Variants in NAP1L4 observed in about 807,000 individuals in gnomAD.
The protein encoded by NAP1L4 is nucleosome assembly protein 1-like 4.
Under a neutral mutation model 58.2 loss-of-function variants are expected in NAP1L4, and 15 were observed. The ratio of observed to expected loss-of-function variants is 0.26; its 90% CI spans 0.17 to 0.40. The LOEUF (loss-of-function observed/expected upper bound fraction) is 0.40. Ranked by LOEUF, NAP1L4 falls within the 10% of genes least tolerant of loss-of-function variation. The pLI is 1.00. For synonymous variants in NAP1L4, 171 were observed against 155.6 expected, an observed-to-expected ratio of 1.10 and a Z score of -0.74; for missense variants, 384 against 451.1, an observed-to-expected ratio of 0.85 and a Z score of 1.35.
At chr11:2,984,439 C>T (rs1014880380) in intron 1 of NAP1L4, among the ~76,000 whole-genome samples, 7 of 151,896 alleles carry the variant, frequency 4.6e-5, no homozygotes, top group Admixed American at 1.3e-4. Flanking sequence ...GGCATGGTGG[C>T]GCATGCCTGT....
intron 3 of NAP1L4, among the ~76,000 whole-genome samples, chr11:2,976,360 C>G (rs1018115311): frequency 2.6e-5 from 4 of 152,146 alleles, no homozygotes; most frequent in Non-Finnish European, 5.9e-5. Context: ...TGAATAAACA[C>G]CTAGAGAGTC....
intron 7 of NAP1L4, among the ~76,000 whole-genome samples, chr11:2,967,355 G>A (rs1046579422): frequency 6.6e-6 from 1 of 152,202 alleles, no homozygotes; most frequent in East Asian, 1.9e-4. Context: ...GCTCACGCCT[G>A]TAATCCCAGC....
intron 7 of NAP1L4, among the ~76,000 whole-genome samples, chr11:2,966,328 T>G (rs1314896550): frequency 2.0e-5 from 3 of 152,200 alleles, no homozygotes; most frequent in African/African-American, 7.2e-5. Flanking sequence ...AAACACGCAC[T>G]AAATTATCGT....
intron 14 of NAP1L4, among the ~76,000 whole-genome samples, chr11:2,950,291 C>T (rs890425244): frequency 2.0e-5 from 3 of 150,342 alleles, no homozygotes; most frequent in African/African-American, 7.6e-5. Context: ...TTATAAGACA[C>T]ATTCTCAAAA....
chr11:2,969,356 ATG>A (rs1171471028), intron 7 of NAP1L4, among the ~76,000 whole-genome samples: 2 of 150,204 alleles, frequency 1.3e-5, no homozygotes, highest in Non-Finnish European at 3.0e-5. Context: ...ATTCACTGAG[ATG>A]TGTGTGTACA....
intron 1 of NAP1L4, among the ~76,000 whole-genome samples, chr11:2,980,340 A>ACC (rs1487988251): frequency 6.6e-6 from 1 of 152,146 alleles, no homozygotes; most frequent in Non-Finnish European, 1.5e-5. Context: ...GGCGCAGGCC[A>ACC]CCATGCCCAG....
intron 10 of NAP1L4, among the ~76,000 whole-genome samples, chr11:2,957,162 G>T (rs1009598365): frequency 5.9e-5 from 9 of 151,868 alleles, no homozygotes; most frequent in Non-Finnish European, 8.8e-5. Flanking sequence ...AGTTTTAAGA[G>T]AACTTCCTAC....
rs761915133 is a variant in NAP1L4 at position 2,954,504 on chromosome 11, C to G, written c.1035+23G>C. On this transcript the variant is annotated intron_variant, in intron 12 of 15. Coordinates refer to ENST00000380542, the MANE Select transcript of NAP1L4 (RefSeq NM_005969.4). This position sits in a 1 kb window ranked among gnomAD's most constrained non-coding sequence, Gnocchi z 4.8. ...ACAGAGATAAGCACCCAGGTGGAAG[C>G]CCCCCTTCCCCGAGCCTCATACATT... 6.2e-7 allele frequency: 1 copy of G among 1,612,956 alleles called. No homozygotes were observed. Among genetic ancestry groups the G allele is most frequent in the Admixed American group, 1.7e-5 (1 of 59,970 alleles).
At position 2,976,090 on chromosome 11, in the gene NAP1L4, C is replaced by G. The variant is rs374123149; in HGVS notation, c.107G>C (p.Arg36Pro). The change falls in exon 4 of 16, where the codon CGA becomes CCA. Residue 36 changes from arginine (R) to proline (P), a missense_variant. Arg to Pro is a moderately radical substitution (Grantham distance 103). This residue lies in a region of NAP1L4 where 84 missense variants were observed against 73.7 expected (regional missense o/e 1.14). Transcript: ENST00000380542. ...KLTDQVMQNP[R>P]VLAALQERLD... ...TCGCTCCTGTAAAGCTGCCAGAACT[C>G]GAGGATTCTGCATCACCTGATCTGT... 1.9e-6 allele frequency: 3 copies of G among 1,613,914 alleles called. No individual in the cohort carries two copies. The highest frequency in any genetic ancestry group is 2.5e-6 in the Non-Finnish European group (3 of 1,179,960).
intron 6 of NAP1L4, among the ~76,000 whole-genome samples, 187 bp from the exon 7 acceptor site, chr11:2,970,121 C>G (rs569712590): frequency 1.3e-5 from 2 of 152,176 alleles, no homozygotes. Flanking sequence ...AAAAAGCATT[C>G]AAGTCATTAC....
intron 2 of NAP1L4, among the ~76,000 whole-genome samples, chr11:2,978,563 A>G (rs1175612374): frequency 6.6e-6 from 1 of 152,152 alleles, no homozygotes; most frequent in Non-Finnish European, 1.5e-5. Context: ...CCAAACATAA[A>G]GCCCTACAAA....
chr11:2,952,192 C>A (rs1467980974), intron 12 of NAP1L4: 3 of 265,610 alleles, frequency 1.1e-5, no homozygotes, highest in Non-Finnish European at 2.2e-5. Context: ...CTGATCGAAC[C>A]AGCAGCATAA....
intron 1 of NAP1L4, among the ~76,000 whole-genome samples, chr11:2,982,732 T>C (rs1374238106): frequency 6.6e-6 from 1 of 152,198 alleles, no homozygotes; most frequent in Non-Finnish European, 1.5e-5. Context: ...AAAGATTCTG[T>C]TGCTGCTAGG....
At chr11:2,965,181 C>T (rs1182344133) in intron 7 of NAP1L4, among the ~76,000 whole-genome samples, 4 of 152,244 alleles carry the variant, frequency 2.6e-5, no homozygotes, top group Non-Finnish European at 5.9e-5. Context: ...AGATCGGCTA[C>T]GGCCTTGGCA....
intron 4 of NAP1L4, among the ~76,000 whole-genome samples, chr11:2,974,819 C>T (rs1050813810): frequency 1.3e-4 from 20 of 152,102 alleles, no homozygotes; most frequent in African/African-American, 4.8e-4. Context: ...ATGTAACAAA[C>T]CTGAACACTC....
chr11:2,962,766 G>GA (rs1293695676), intron 8 of NAP1L4, among the ~76,000 whole-genome samples: 4 of 151,790 alleles, frequency 2.6e-5, no homozygotes, highest in Non-Finnish European at 5.9e-5. Flanking sequence ...GGCTAAGAAA[G>GA]AAAGAAAATT....
At position 2,949,802 on chromosome 11, in the gene NAP1L4, G is replaced by A. The variant is rs1564971857; in HGVS notation, c.1123-538C>T. Among the ~76,000 whole-genome samples the A allele has an allele frequency of 6.6e-6, 1 of 152,220 alleles. No homozygotes were observed. Among genetic ancestry groups the A allele is most frequent in the East Asian group, 1.9e-4 (1 of 5,198 alleles). On this transcript the variant is annotated intron_variant, in intron 14 of 15. Coordinates refer to ENST00000380542, the MANE Select transcript of NAP1L4 (RefSeq NM_005969.4). The surrounding 1 kb of genome is among the most constrained non-coding windows in gnomAD (Gnocchi z 4.0). ...GTTCTCCAAGGTGACAGAGAAAGCAGAACAAACAACAGAGGGGAGGAAAAG... is the reference window on the plus strand; with the variant it reads ...GTTCTCCAAGGTGACAGAGAAAGCAAAACAAACAACAGAGGGGAGGAAAAG...
chr11:2,958,113 T>A, intron 10 of NAP1L4: 2 of 593,782 alleles, frequency 3.4e-6, no homozygotes, highest in Non-Finnish European at 6.3e-6. Context: ...TCAGTTTTCT[T>A]AAAACAGAAC....
At chr11:2,987,329 G>A (rs1159131564) in intron 1 of NAP1L4, among the ~76,000 whole-genome samples, 1 of 151,726 alleles carries the variant, frequency 6.6e-6, no homozygotes, top group Non-Finnish European at 1.5e-5. Context: ...TTGAGGTGGA[G>A]TCTCGCTCTG....
Sources: allele counts gnomAD v4.1 joint callset (sites outside exome capture counted in the v4.1 genomes callset), GRCh38; gene constraint gnomAD v4.1.1; regional missense constraint gnomAD v4.1.1; non-coding constraint Gnocchi (gnomAD v3.1); transcripts MANE v1.5; gene names NCBI Gene and HGNC (gene_info 2026-07-23, HGNC 2026-07-21).